Variants in MARCHF4 observed in about 807,000 individuals in gnomAD.
MARCHF4 encodes membrane associated ring-CH-type finger 4.
Under a neutral mutation model 43.9 loss-of-function variants are expected in MARCHF4, and 14 were observed. The ratio of observed to expected loss-of-function variants is 0.32; its 90% CI spans 0.21 to 0.50. The LOEUF (loss-of-function observed/expected upper bound fraction) is 0.50. Ranked by LOEUF, MARCHF4 falls within the 20% of genes least tolerant of loss-of-function variation. The pLI is 0.98. For synonymous variants in MARCHF4, 226 were observed against 213.3 expected (o/e 1.06, Z -0.52); for missense variants, 468 against 536.7 (o/e 0.87, Z 1.27).
chr2:216,333,228 T>C (rs537906800), intron 1 of MARCHF4, among the ~76,000 whole-genome samples: 1 of 152,314 alleles, frequency 6.6e-6, no homozygotes, highest in African/African-American at 2.4e-5. Context: ...TAGAAGAAGA[T>C]ATTTGCAAAA....
chr2:216,339,783 G>A (rs1692209911), intron 1 of MARCHF4, among the ~76,000 whole-genome samples: 1 of 152,086 alleles, frequency 6.6e-6, no homozygotes, highest in Admixed American at 6.6e-5. Context: ...TCAAGTATAA[G>A]GCTGGCATCA....
chr2:216,298,758 C>T (rs1306806620), intron 1 of MARCHF4, among the ~76,000 whole-genome samples: 1 of 152,184 alleles, frequency 6.6e-6, no homozygotes, highest in African/African-American at 2.4e-5. Context: ...AAATCAGGAA[C>T]ATAATGTACA....
intron 1 of MARCHF4, among the ~76,000 whole-genome samples, chr2:216,293,125 TGTG>T (rs1242096988): frequency 6.6e-6 from 1 of 152,174 alleles, no homozygotes; most frequent in East Asian, 1.9e-4. Flanking sequence ...ATTCTCCTCA[TGTG>T]GTGTCTGATA....
chr2:216,336,742 TA>T (rs58031229), intron 1 of MARCHF4, among the ~76,000 whole-genome samples: 1,313 of 55,648 alleles, frequency 0.024, 53 homozygotes, highest in East Asian at 0.22. Flanking sequence ...CAAATAGATT[TA>T]AAAAAAAAAA....
chr2:216,360,057 C>T (rs996509321), intron 1 of MARCHF4, among the ~76,000 whole-genome samples: 2 of 152,088 alleles, frequency 1.3e-5, no homozygotes, highest in African/African-American at 4.8e-5. Flanking sequence ...TAATCACCTA[C>T]TTTGGAATTC....
At position 216,369,829 on chromosome 2, in the gene MARCHF4, G is replaced by T. The variant is rs374936017; in HGVS notation, c.432C>A (p.Thr144=). The T allele has an allele frequency of 2.4e-5, 39 of 1,613,820 alleles. No individual in the cohort carries two copies. The highest frequency in any genetic ancestry group is 6.7e-5 in the Admixed American group (4 of 60,004). Residue 144 remains threonine (T), a synonymous_variant, in exon 1 of 4, where the codon ACC becomes ACA. Transcript: ENST00000273067. ...TGCTGCCCAGTGAGTAGCGATCCTC[G>T]GTCTTCTCCTTACAGAAGTCATCTG... ...ASSDDFCKEK[T]EDRYSLGSSL...
intron 2 of MARCHF4, among the ~76,000 whole-genome samples, chr2:216,279,776 T>C (rs1271591399): frequency 1.3e-5 from 2 of 152,190 alleles, no homozygotes; most frequent in East Asian, 3.9e-4. Flanking sequence ...TTTTCCACTG[T>C]TTCCCCCCGC....
chr2:216,316,289 C>G (rs2105959714), intron 1 of MARCHF4, among the ~76,000 whole-genome samples: 1 of 152,314 alleles, frequency 6.6e-6, no homozygotes, highest in East Asian at 1.9e-4. Flanking sequence ...GAGCAGCCTT[C>G]CTGCTGAGAA....
chr2:216,291,901 C>T (rs993159772), intron 1 of MARCHF4, among the ~76,000 whole-genome samples: 8 of 152,102 alleles, frequency 5.3e-5, no homozygotes, highest in African/African-American at 1.9e-4. Flanking sequence ...CTCTGGAACC[C>T]GTCTGTCCAC....
chr2:216,262,577 G>A (rs1306231839), intron 3 of MARCHF4, among the ~76,000 whole-genome samples: 2 of 152,130 alleles, frequency 1.3e-5, no homozygotes, highest in Non-Finnish European at 2.9e-5. Flanking sequence ...GATGGTCGGA[G>A]AGTGGGATGT....
intron 1 of MARCHF4, among the ~76,000 whole-genome samples, chr2:216,284,800 C>A (rs1344496858): frequency 2.6e-5 from 4 of 152,202 alleles, no homozygotes; most frequent in Non-Finnish European, 5.9e-5. Flanking sequence ...CAACTCCTAT[C>A]ATTCAAGGAT....
In MARCHF4 at chr2:216,258,976, C is replaced by T; in HGVS notation, c.*336G>A. ...TCCGGCACTGCCACAGTCACACAGG[C>T]TTTGCCTGCCCTCAGCCTCTGCTTC... On this transcript the variant is annotated 3_prime_UTR_variant, in exon 4 of 4. Coordinates refer to ENST00000273067, the MANE Select transcript of MARCHF4 (RefSeq NM_020814.3). 5.0e-6 allele frequency: 1 copy of T among 201,100 alleles called. No individual in the cohort carries two copies. Among genetic ancestry groups the T allele is most frequent in the Non-Finnish European group, 1.0e-5 (1 of 97,856 alleles). 12.5% of individuals were successfully genotyped at this position (201,100 alleles called of 1,614,324 possible).
At chr2:216,336,982 T>C (rs1574481488) in intron 1 of MARCHF4, among the ~76,000 whole-genome samples, 2 of 151,682 alleles carry the variant, frequency 1.3e-5, no homozygotes, top group East Asian at 3.9e-4. Context: ...TGAAACCCCG[T>C]CTCTACTAAA....
intron 1 of MARCHF4, among the ~76,000 whole-genome samples, chr2:216,337,850 C>A (rs1692180779): frequency 6.6e-6 from 1 of 152,086 alleles, no homozygotes; most frequent in Admixed American, 6.5e-5. Flanking sequence ...GGTTTGCATC[C>A]TCTAACTGTT....
chr2:216,289,964 C>T (rs1027731908), intron 1 of MARCHF4, among the ~76,000 whole-genome samples: 8 of 152,168 alleles, frequency 5.3e-5, no homozygotes, highest in African/African-American at 1.4e-4. Context: ...AGTTGCTTAA[C>T]GTCTCTGGGC....
At chr2:216,347,221 C>G (rs1239639275) in intron 1 of MARCHF4, among the ~76,000 whole-genome samples, 1 of 152,054 alleles carries the variant, frequency 6.6e-6, no homozygotes, top group Non-Finnish European at 1.5e-5. Context: ...TATGAATGAC[C>G]CTGTAAAACA....
At chr2:216,283,816 T>G (rs550445996) in intron 1 of MARCHF4, 87 bp from the exon 2 acceptor site, 2 of 1,392,282 alleles carry the variant, frequency 1.4e-6, no homozygotes, top group South Asian at 1.5e-5. Context: ...AGCTGCAGCC[T>G]GGTTTGAGCC....
intron 1 of MARCHF4, among the ~76,000 whole-genome samples, chr2:216,332,350 C>G (rs1227290209): frequency 5.3e-5 from 8 of 150,378 alleles, no homozygotes; most frequent in Admixed American, 5.3e-4. Flanking sequence ...CGAGATTGAG[C>G]CACTGCACTC....
At chr2:216,359,193 T>C (rs1034676752) in intron 1 of MARCHF4, among the ~76,000 whole-genome samples, 1 of 152,162 alleles carries the variant, frequency 6.6e-6, no homozygotes, top group Non-Finnish European at 1.5e-5. Flanking sequence ...AGTTCTCAGA[T>C]CCCTGAGGCA....
Sources: allele counts gnomAD v4.1 joint callset (sites outside exome capture counted in the v4.1 genomes callset), GRCh38; gene constraint gnomAD v4.1.1; transcripts MANE v1.5; gene names NCBI Gene and HGNC (gene_info 2026-07-23, HGNC 2026-07-21).